The following USP32 variants were observed in gnomAD, a reference collection of about 807,000 sequenced individuals.
The protein encoded by USP32 is ubiquitin carboxyl-terminal hydrolase 32.
USP32 carries 59 observed loss-of-function variants against 204.8 expected under a neutral mutation model. The observed-to-expected ratio is 0.29, with a 90% CI of 0.23 to 0.36. The LOEUF (loss-of-function observed/expected upper bound fraction) is 0.36. Among genes scored for constraint, USP32 ranks in the 10% least tolerant of loss-of-function variants. The pLI is 1.00. For missense variants in USP32, 1,160 were observed against 1,946.4 expected (o/e 0.60, Z 7.60); for synonymous variants, 517 against 678.4 (o/e 0.76, Z 3.70).
intron 1 of USP32, chr17:60,422,044 T>G: frequency 1.3e-6 from 1 of 752,126 alleles, no homozygotes. Flanking sequence ...CACGGAGGGC[T>G]TATTATTAAC....
rs764274702 is a variant in USP32 at position 60,252,372 on chromosome 17, C to T, written c.1136+9G>A. The T allele has an allele frequency of 6.2e-7, 1 of 1,605,400 alleles. No homozygotes were observed. The highest frequency in any genetic ancestry group is 8.5e-7 in the Non-Finnish European group (1 of 1,175,378). On this transcript the variant is annotated intron_variant, in intron 11 of 33. Transcript: ENST00000300896. Reference sequence around the variant, plus strand: ...AATTTCAACTATATAATTGAAACTACAAATTTACCTAATAATTTGTCCTTC... The same window carrying T: ...AATTTCAACTATATAATTGAAACTATAAATTTACCTAATAATTTGTCCTTC...
intron 1 of USP32, among the ~76,000 whole-genome samples, chr17:60,416,609 T>C (rs1036143678): frequency 1.3e-5 from 2 of 152,174 alleles, no homozygotes; most frequent in Non-Finnish European, 2.9e-5. Context: ...CAATGGATTT[T>C]TGTTTTGTCT....
intron 1 of USP32, among the ~76,000 whole-genome samples, chr17:60,416,920 C>CT (rs113006047): frequency 0.019 from 2,694 of 139,034 alleles, 28 homozygotes; most frequent in East Asian, 0.037. Context: ...TATCCAATTC[C>CT]TTTTTTTTTT....
intron 11 of USP32, among the ~76,000 whole-genome samples, chr17:60,247,355 C>T (rs1567800239): frequency 1.3e-5 from 2 of 151,458 alleles, no homozygotes; most frequent in Non-Finnish European, 2.9e-5. Flanking sequence ...AGTTTTTGTA[C>T]TTTGAGTAGA....
intron 3 of USP32, among the ~76,000 whole-genome samples, chr17:60,299,348 A>G (rs1217815705): frequency 1.3e-5 from 2 of 152,208 alleles, no homozygotes; most frequent in Non-Finnish European, 2.9e-5. Flanking sequence ...CGGGAGGCTA[A>G]GAAGTCCAAG....
intron 2 of USP32, among the ~76,000 whole-genome samples, chr17:60,325,822 G>C (rs2088219329): frequency 6.6e-6 from 1 of 151,878 alleles, no homozygotes; most frequent in South Asian, 2.1e-4. Flanking sequence ...CCAGCTACTT[G>C]GGAGGCTGAG....
chr17:60,250,612 C>T (rs2086141671), intron 11 of USP32, among the ~76,000 whole-genome samples: 1 of 152,056 alleles, frequency 6.6e-6, no homozygotes, highest in African/African-American at 2.4e-5. Flanking sequence ...CAAGAAAACA[C>T]TCAAGAATAT....
At chr17:60,264,738 C>T (rs1448532274) in intron 9 of USP32, among the ~76,000 whole-genome samples, 2 of 150,890 alleles carry the variant, frequency 1.3e-5, no homozygotes, top group Non-Finnish European at 3.0e-5. Context: ...CACACACCTG[C>T]AGTCCCAGCT....
At chr17:60,384,447 C>T (rs966823508) in intron 1 of USP32, among the ~76,000 whole-genome samples, 3 of 152,158 alleles carry the variant, frequency 2.0e-5, no homozygotes, top group African/African-American at 4.8e-5. Context: ...ATGTTATAGG[C>T]AAGGTTTCAA....
chr17:60,199,335 G>C (rs1012039541), intron 26 of USP32, among the ~76,000 whole-genome samples: 1 of 151,950 alleles, frequency 6.6e-6, no homozygotes, highest in African/African-American at 2.4e-5. Flanking sequence ...TTTAAATACA[G>C]GATAGGATAA....
At chr17:60,282,685 G>C (rs1348106532) in intron 5 of USP32, among the ~76,000 whole-genome samples, 1 of 152,120 alleles carries the variant, frequency 6.6e-6, no homozygotes, top group Non-Finnish European at 1.5e-5. Flanking sequence ...ACATCCCCAT[G>C]CTATGAAGTT....
chr17:60,229,203 C>T (rs570494610), intron 12 of USP32, among the ~76,000 whole-genome samples: 1 of 152,156 alleles, frequency 6.6e-6, no homozygotes, highest in Admixed American at 6.5e-5. Context: ...CCATGCCCAA[C>T]TAATTTTTAA....
At chr17:60,289,254 C>T (rs183175946) in intron 4 of USP32, among the ~76,000 whole-genome samples, 255 of 152,276 alleles carry the variant, frequency 1.7e-3, no homozygotes, top group African/African-American at 5.8e-3. Flanking sequence ...GTGATCTGCC[C>T]GCCTCGGCCT....
chr17:60,235,854 G>A (rs964629996), intron 12 of USP32, among the ~76,000 whole-genome samples: 13 of 152,162 alleles, frequency 8.5e-5, no homozygotes, highest in Non-Finnish European at 1.5e-4. Context: ...GGTGGTGCGA[G>A]AAATAAATGA....
chr17:60,213,825 G>T (rs2085032761), intron 17 of USP32, among the ~76,000 whole-genome samples, 163 bp from the exon 18 acceptor site: 1 of 152,080 alleles, frequency 6.6e-6, no homozygotes, highest in South Asian at 2.1e-4. Context: ...TATAACTTAG[G>T]TGGCAGTATG....
chr17:60,199,970 C>A (rs912629436), intron 26 of USP32, among the ~76,000 whole-genome samples: 3 of 151,846 alleles, frequency 2.0e-5, no homozygotes, highest in Admixed American at 6.6e-5. Flanking sequence ...CCGAGGCGGG[C>A]GGATCATGAG....
At chr17:60,287,813 AC>A (rs2087155749) in intron 5 of USP32, among the ~76,000 whole-genome samples, 1 of 152,008 alleles carries the variant, frequency 6.6e-6, no homozygotes, top group Admixed American at 6.6e-5. Context: ...CAAAACACTG[AC>A]AAAAAAAAAA....
intron 1 of USP32, among the ~76,000 whole-genome samples, chr17:60,355,039 G>T (rs1479983244): frequency 6.6e-6 from 1 of 152,160 alleles, no homozygotes; most frequent in African/African-American, 2.4e-5. Flanking sequence ...ATGAGGCTCT[G>T]CCTCAAAAAC....
intron 12 of USP32, chr17:60,231,422 T>C (rs2085545461): frequency 2.6e-6 from 1 of 388,188 alleles, no homozygotes. Context: ...CTGATACAGC[T>C]TTGGGCAATT....
Sources: gnomAD v4.1 joint callset for allele counts (sites outside exome capture counted in the v4.1 genomes callset) on GRCh38, gnomAD v4.1.1 for gene constraint, MANE v1.5 for transcripts, NCBI Gene and HGNC (gene_info 2026-07-23, HGNC 2026-07-21) for gene names.